MOB4: variants seen among roughly 807,000 people sequenced by gnomAD.
MOB4 encodes MOB-like protein phocein.
A neutral mutation model predicts 32.2 loss-of-function variants in MOB4; 4 were observed. The observed-to-expected ratio is 0.12, with a 90% confidence interval of 0.06 to 0.28. MOB4 has a LOEUF of 0.28. MOB4 is among the 10% of genes least tolerant of loss of function. The pLI is 1.00. For missense variants in MOB4, 158 were observed against 271.2 expected (o/e 0.58, Z 2.93); for synonymous variants, 88 against 88.1 (o/e 1.00, Z 0.01).
chr2:197,533,295 T>C (rs2086738625), intron 2 of MOB4, among the ~76,000 whole-genome samples: 2 of 152,124 alleles, frequency 1.3e-5, no homozygotes, highest in Admixed American at 1.3e-4. Flanking sequence ...TGATGTGGAA[T>C]TTGAGGTGGC....
At chr2:197,549,874 AAAAAAG>A (rs1198901993) in intron 6 of MOB4, among the ~76,000 whole-genome samples, 1 of 151,682 alleles carries the variant, frequency 6.6e-6, no homozygotes, top group African/African-American at 2.4e-5. Flanking sequence ...AAAAAAAAAA[AAAAAAG>A]AAAAGAAAAG....
At chr2:197,525,341 C>T (rs1195956216) in intron 2 of MOB4, among the ~76,000 whole-genome samples, 4 of 148,640 alleles carry the variant, frequency 2.7e-5, no homozygotes, top group African/African-American at 1.0e-4. Context: ...GAGCAAGACT[C>T]CATCTCAAAA....
chr2:197,549,559 G>C (rs539034593), intron 6 of MOB4, among the ~76,000 whole-genome samples: 70 of 152,106 alleles, frequency 4.6e-4, no homozygotes, highest in Non-Finnish European at 7.8e-4. Flanking sequence ...CTCTCTCTCT[G>C]TTTTTCTTTT....
chr2:197,541,253 A>G (rs1298679124), intron 5 of MOB4, among the ~76,000 whole-genome samples: 5 of 152,098 alleles, frequency 3.3e-5, no homozygotes, highest in African/African-American at 4.8e-5. Flanking sequence ...GATACCCAGT[A>G]TACTTTTCCT....
chr2:197,521,071 CAG>C (rs1321331817), intron 1 of MOB4, among the ~76,000 whole-genome samples: 1 of 151,930 alleles, frequency 6.6e-6, no homozygotes, highest in Non-Finnish European at 1.5e-5. Context: ...ATAATCACAT[CAG>C]GGGGGTAAAT....
intron 2 of MOB4, among the ~76,000 whole-genome samples, chr2:197,532,840 T>A (rs1028912485): frequency 6.6e-6 from 1 of 152,166 alleles, no homozygotes; most frequent in African/African-American, 2.4e-5. Flanking sequence ...TGGCTCACGC[T>A]GTAATCCCAG....
intron 5 of MOB4, among the ~76,000 whole-genome samples, chr2:197,545,658 A>G (rs1436218240): frequency 6.6e-6 from 1 of 152,246 alleles, no homozygotes; most frequent in Non-Finnish European, 1.5e-5. Context: ...CCTTGAAAAC[A>G]TAATAGAAGC....
At chr2:197,516,661 C>T (rs914587645) in intron 1 of MOB4, 4 of 471,800 alleles carry the variant, frequency 8.5e-6, no homozygotes, top group Non-Finnish European at 1.3e-5. Flanking sequence ...CGATATTCTC[C>T]TCCTTGTTTC....
intron 5 of MOB4, among the ~76,000 whole-genome samples, chr2:197,545,530 C>T (rs2086978913): frequency 6.6e-6 from 1 of 151,872 alleles, no homozygotes; most frequent in African/African-American, 2.4e-5. Flanking sequence ...GGAATGAAGT[C>T]TTAAAGGGAG....
chr2:197,542,422 T>A (rs962977786), intron 5 of MOB4, among the ~76,000 whole-genome samples: 1 of 152,208 alleles, frequency 6.6e-6, no homozygotes, highest in Admixed American at 6.5e-5. Flanking sequence ...TGTTTTTGAA[T>A]AACTGCTTAG....
chr2:197,550,622 A>C lies in MOB4; in HGVS notation c.654A>C (p.Ser218=). The change falls in exon 8 of 8, where the codon TCA becomes TCC. Residue 218 remains serine, a synonymous_variant. Coordinates refer to ENST00000323303, the MANE Select transcript of MOB4 (RefSeq NM_015387.5). ...TTTTAGAAGAGGAAGTACAGAATTC[A>C]GTTTCTGGGGAAAGTGAAGCATGAA... is the stretch of plus-strand genomic sequence containing the variant. ...VPILEEEVQN[S]VSGESEA 6.2e-7 allele frequency: 1 copy of C among 1,600,548 alleles called. No homozygotes were observed. Among genetic ancestry groups the C allele is most frequent in the East Asian group, 2.2e-5 (1 of 44,712 alleles).
intron 1 of MOB4, among the ~76,000 whole-genome samples, chr2:197,519,596 G>A (rs1193762943): frequency 6.6e-6 from 1 of 152,158 alleles, no homozygotes; most frequent in Non-Finnish European, 1.5e-5. Context: ...TACATGTTTA[G>A]TACATACGCA....
At chr2:197,541,726 C>T (rs928722250) in intron 5 of MOB4, among the ~76,000 whole-genome samples, 44 of 151,858 alleles carry the variant, frequency 2.9e-4, no homozygotes, top group Admixed American at 4.6e-4. Context: ...GAGACCATCC[C>T]GGCTAAAACG....
chr2:197,525,283 G>A (rs1390260137), intron 2 of MOB4, among the ~76,000 whole-genome samples: 7 of 139,764 alleles, frequency 5.0e-5, no homozygotes, highest in African/African-American at 1.9e-4. Context: ...GAGGCAGTGA[G>A]CCTGCAGTGA....
At chr2:197,532,642 C>T (rs748926650) in intron 2 of MOB4, among the ~76,000 whole-genome samples, 1 of 151,880 alleles carries the variant, frequency 6.6e-6, no homozygotes, top group Non-Finnish European at 1.5e-5. Flanking sequence ...GCCGAGATAG[C>T]GCCACTGCAC....
chr2:197,519,767 A>G (rs1174128573), intron 1 of MOB4, among the ~76,000 whole-genome samples: 3 of 152,200 alleles, frequency 2.0e-5, no homozygotes, highest in African/African-American at 4.8e-5. Flanking sequence ...GTGTTTTCTA[A>G]TATTTTAAAA....
chr2:197,540,982 A>C (rs555427964), intron 5 of MOB4, among the ~76,000 whole-genome samples: 1 of 147,828 alleles, frequency 6.8e-6, no homozygotes, highest in Non-Finnish European at 1.5e-5. Context: ...GTTCGCTGCA[A>C]CCTCTGTCTC....
At chr2:197,521,756 C>T (rs962499862) in intron 1 of MOB4, among the ~76,000 whole-genome samples, 14 of 152,316 alleles carry the variant, frequency 9.2e-5, no homozygotes, top group East Asian at 3.9e-4. Context: ...CTGTTCCGCC[C>T]GGCTCACCAG....
chr2:197,516,494 C>A, intron 1 of MOB4: 1 of 871,418 alleles, frequency 1.1e-6, no homozygotes, highest in Non-Finnish European at 1.7e-6. Flanking sequence ...GCGCGACCAG[C>A]CTGGTGGAGA....
Sources: gnomAD v4.1 joint callset for allele counts (sites outside exome capture counted in the v4.1 genomes callset) on GRCh38, gnomAD v4.1.1 for gene constraint, MANE v1.5 for transcripts, NCBI Gene and HGNC (gene_info 2026-07-23, HGNC 2026-07-21) for gene names.